ASCC1: variants seen among roughly 807,000 people sequenced by gnomAD.
The protein encoded by ASCC1 is activating signal cointegrator 1 complex subunit 1, also known as ASC-1 complex subunit P50.
A neutral mutation model predicts 46.6 loss-of-function variants in ASCC1; 35 were observed. That is an observed-to-expected ratio of 0.75 (90% confidence interval 0.57 to 0.99). ASCC1 has a LOEUF of 0.99. ASCC1 is among the 50% of genes least tolerant of loss of function. ASCC1 has a pLI of 0.00. For synonymous variants in ASCC1, 143 were observed against 146.6 expected (o/e 0.98, Z 0.18); for missense variants, 376 against 428.7 (o/e 0.88, Z 1.09).
chr10:72,200,506 G>A (rs1213544234), intron 4 of ASCC1, among the ~76,000 whole-genome samples: 1 of 151,990 alleles, frequency 6.6e-6, no homozygotes, highest in Non-Finnish European at 1.5e-5. Flanking sequence ...AAAGTAGCCA[G>A]GCATGATGGC....
rs111277940 is a variant in ASCC1 at position 72,153,802 on chromosome 10, A to G, written c.627-814T>C. ...TGCAATGGCACGATCTCGGATTGCAACCTCCACCTCCTAGATTCAAGTGAT... is the reference window on the plus strand; with the variant it reads ...TGCAATGGCACGATCTCGGATTGCAGCCTCCACCTCCTAGATTCAAGTGAT... On this transcript the variant is annotated intron_variant, in intron 6 of 9. Coordinates refer to ENST00000672957, the MANE Select transcript of ASCC1 (RefSeq NM_001198800.3). Among the ~76,000 whole-genome samples the G allele has an allele frequency of 9.1e-4, 137 of 150,416 alleles. 2 individuals carry two copies. Among genetic ancestry groups the G allele is most frequent in the African/African-American group, 3.3e-3 (133 of 40,784 alleles).
intron 9 of ASCC1, among the ~76,000 whole-genome samples, chr10:72,104,295 T>C (rs1159281867): frequency 2.6e-5 from 4 of 152,204 alleles, no homozygotes. Context: ...TTGCTGTTCC[T>C]ATATTCACTG....
chr10:72,160,722 A>G (rs1849552031), intron 6 of ASCC1, among the ~76,000 whole-genome samples: 1 of 150,396 alleles, frequency 6.6e-6, no homozygotes, highest in Non-Finnish European at 1.5e-5. Flanking sequence ...AATAAAAATA[A>G]TAATAAAAAA....
intron 9 of ASCC1, among the ~76,000 whole-genome samples, chr10:72,098,423 T>C (rs1841346780): frequency 6.6e-6 from 1 of 152,264 alleles, no homozygotes; most frequent in South Asian, 2.1e-4. Flanking sequence ...TGCCTTGGAT[T>C]GCAGTAGTGC....
intron 9 of ASCC1, among the ~76,000 whole-genome samples, chr10:72,099,865 C>T (rs893205644): frequency 2.6e-5 from 4 of 152,036 alleles, no homozygotes. Flanking sequence ...GTACAAGTAC[C>T]TTGTGTGCTC....
chr10:72,142,458 C>A (rs185408830), intron 7 of ASCC1, among the ~76,000 whole-genome samples: 3 of 152,044 alleles, frequency 2.0e-5, no homozygotes, highest in Admixed American at 1.3e-4. Context: ...CCTCCACCTC[C>A]CAGGCTCAGA....
chr10:72,203,943 C>A (rs1462811892), intron 3 of ASCC1, among the ~76,000 whole-genome samples: 2 of 152,094 alleles, frequency 1.3e-5, no homozygotes, highest in African/African-American at 4.8e-5. Context: ...CAGAGTAAGA[C>A]CCCGTCTCTA....
intron 5 of ASCC1, among the ~76,000 whole-genome samples, chr10:72,166,408 G>C (rs544134354): frequency 1.3e-5 from 2 of 151,930 alleles, no homozygotes; most frequent in East Asian, 3.9e-4. Context: ...TTCAAGACCA[G>C]CCTGGGCAAC....
chr10:72,208,296 C>T (rs1857507169), intron 3 of ASCC1, among the ~76,000 whole-genome samples: 1 of 150,828 alleles, frequency 6.6e-6, no homozygotes, highest in South Asian at 2.1e-4. Flanking sequence ...AGCAGATTCA[C>T]ACCAAGACCT....
chr10:72,194,847 A>C (rs1295923252), intron 5 of ASCC1, among the ~76,000 whole-genome samples: 1 of 151,956 alleles, frequency 6.6e-6, no homozygotes, highest in Non-Finnish European at 1.5e-5. Context: ...GGTTCAAGCG[A>C]TTCTCCTGCC....
rs776694644 is a variant in ASCC1 at position 72,210,765 on chromosome 10, C to T, written c.179G>A (p.Arg60Gln). Residue 60 changes from arginine to glutamine, a missense_variant, in exon 3 of 10, where the codon CGG becomes CAG. Coordinates refer to ENST00000672957, the MANE Select transcript of ASCC1 (RefSeq NM_001198800.3). ...CAAGCTGGGGGCCCTCAAAGTAGAC[C>T]GGAATCCTTGTGGGGTCTGCTCCAC... ...YEVEQTPQGF[R>Q]STLRAPSLLY... 94 of 1,613,906 alleles carry T rather than the reference C, an allele frequency of 5.8e-5. No individual in the cohort carries two copies. The highest frequency in any genetic ancestry group is 8.8e-5 in the South Asian group (8 of 91,090).
chr10:72,172,229 C>T, intron 5 of ASCC1, among the ~76,000 whole-genome samples: 1 of 151,722 alleles, frequency 6.6e-6, no homozygotes, highest in East Asian at 1.9e-4. Context: ...GCCTGGGCAA[C>T]ATGGTGAAAC....
intron 7 of ASCC1, among the ~76,000 whole-genome samples, chr10:72,141,162 C>CT (rs1208812925): frequency 6.6e-6 from 1 of 151,988 alleles, no homozygotes; most frequent in Non-Finnish European, 1.5e-5. Flanking sequence ...AAAAAAATTA[C>CT]TTGTTATCCA....
intron 5 of ASCC1, among the ~76,000 whole-genome samples, chr10:72,178,896 C>CA (rs1284983284): frequency 2.6e-5 from 4 of 151,642 alleles, no homozygotes; most frequent in Non-Finnish European, 5.9e-5. Context: ...TTTACCTTCT[C>CA]AAAAAAAGAA....
In ASCC1 at chr10:72,113,059, A is replaced by G. The variant is rs192867684; in HGVS notation, c.957+15023T>C. ...TCAAAGAGTTCATAAGAATGACATC[A>G]CAGGAACCAAAGACAATTGAATATT... is the stretch of plus-strand genomic sequence containing the variant. On this transcript the variant is annotated intron_variant, in intron 9 of 9. Coordinates refer to ENST00000672957, the MANE Select transcript of ASCC1 (RefSeq NM_001198800.3). Among the ~76,000 whole-genome samples the G allele has an allele frequency of 1.9e-3, 284 of 152,330 alleles. 2 individuals are homozygous for G. The highest frequency in any genetic ancestry group is 6.2e-3 in the African/African-American group (256 of 41,562).
intron 3 of ASCC1, among the ~76,000 whole-genome samples, chr10:72,203,744 T>C (rs1856821009): frequency 6.6e-6 from 1 of 152,168 alleles, no homozygotes; most frequent in Non-Finnish European, 1.5e-5. Context: ...GCCAATTCAA[T>C]GCAGAGATAG....
chr10:72,210,932 T>C (rs1263942633), intron 2 of ASCC1, 101 bp from the exon 3 acceptor site: 3 of 1,010,882 alleles, frequency 3.0e-6, no homozygotes, highest in Non-Finnish European at 4.5e-6. Context: ...AAAAAAGCAA[T>C]ACACAGGCAT....
chr10:72,177,646 G>A (rs971465194), intron 5 of ASCC1, among the ~76,000 whole-genome samples: 6 of 152,254 alleles, frequency 3.9e-5, no homozygotes, highest in Non-Finnish European at 5.9e-5. Flanking sequence ...TTGAATTACC[G>A]TTTTTCATTA....
At chr10:72,194,678 T>C (rs1855093068) in intron 5 of ASCC1, among the ~76,000 whole-genome samples, 1 of 152,142 alleles carries the variant, frequency 6.6e-6, no homozygotes, top group African/African-American at 2.4e-5. Context: ...GAACAGTAGG[T>C]AGCCATTACG....
Sources: allele counts gnomAD v4.1 joint callset (sites outside exome capture counted in the v4.1 genomes callset), GRCh38; gene constraint gnomAD v4.1.1; transcripts MANE v1.5; gene names NCBI Gene and HGNC (gene_info 2026-07-23, HGNC 2026-07-21).